The following FHOD3 variants were observed in gnomAD, a reference collection of about 807,000 sequenced individuals.
The protein encoded by FHOD3 is formin homology 2 domain containing 3.
In FHOD3, 90 loss-of-function variants were observed where a neutral mutation model predicts 173.0. The ratio of observed to expected loss-of-function variants is 0.52; its 90% CI spans 0.44 to 0.62. The LOEUF is 0.62. Ranked by LOEUF, FHOD3 falls within the 20% of genes least tolerant of loss-of-function variation. The pLI is 0.00. For missense variants in FHOD3, 1,945 were observed against 2,034.7 expected (o/e 0.96, Z 0.85); for synonymous variants, 828 against 823.0 (o/e 1.01, Z -0.10).
At chr18:36,377,215 C>G (rs2047486905) in intron 3 of FHOD3, among the ~76,000 whole-genome samples, 1 of 152,212 alleles carries the variant, frequency 6.6e-6, no homozygotes, top group South Asian at 2.1e-4. Flanking sequence ...CCAGGTTCTG[C>G]CCTTCTTCTT....
intron 5 of FHOD3, among the ~76,000 whole-genome samples, chr18:36,513,423 C>G (rs931628574): frequency 7.9e-5 from 12 of 152,176 alleles, no homozygotes; most frequent in African/African-American, 2.9e-4. Context: ...GCATGTCAGG[C>G]GGGTCAGGGT....
intron 3 of FHOD3, among the ~76,000 whole-genome samples, chr18:36,468,965 C>A (rs1011740825): frequency 6.6e-6 from 1 of 152,050 alleles, no homozygotes; most frequent in South Asian, 2.1e-4. Context: ...GGAGAGGAGT[C>A]GGACAGTTAA....
rs554564717 is a variant in FHOD3, at chr18:36,357,283, C to T, written c.272+1638C>T. On this transcript the variant is annotated intron_variant, in intron 2 of 28. Coordinates refer to ENST00000590592, the MANE Select transcript of FHOD3 (RefSeq NM_001281740.3). ...ATCATTGATTGTGCTGCTAGTTGCA[C>T]CTCTTCTCTGCGGCTAACACTTTAC... is the stretch of plus-strand genomic sequence containing the variant. Among the ~76,000 whole-genome samples the T allele has an allele frequency of 3.9e-5, 6 of 152,292 alleles. No individual in the cohort carries two copies. In the East Asian group the frequency reaches 5.8e-4, roughly 15 times the overall value.
At position 36,730,801 on chromosome 18, in the gene FHOD3, C is replaced by T. The variant is rs902976363; in HGVS notation, c.3573C>T (p.Ile1191=). Residue 1191 remains isoleucine (I), a synonymous_variant, in exon 20 of 29, where the codon ATC becomes ATT. Coordinates refer to ENST00000590592, the MANE Select transcript of FHOD3 (RefSeq NM_001281740.3). ...AGTATGCCTTAAACAAAGAAGGAAT[C>T]GAGGTGAGGGAAGCTCTATTAAGCA... ...FDEYALNKEG[I]EKILTMIPTD... 6.2e-6 allele frequency: 10 copies of T among 1,613,484 alleles called. No homozygotes were observed. Among genetic ancestry groups the T allele is most frequent in the Non-Finnish European group, 6.8e-6 (8 of 1,179,872 alleles).
chr18:36,712,788 A>C (rs967998698), intron 18 of FHOD3, among the ~76,000 whole-genome samples: 4 of 152,080 alleles, frequency 2.6e-5, no homozygotes, highest in African/African-American at 9.7e-5. Context: ...AAACAAGACA[A>C]ATTTAAAGAC....
intron 3 of FHOD3, among the ~76,000 whole-genome samples, chr18:36,475,027 ACACACACTCT>A (rs764679051): frequency 1.2e-5 from 1 of 83,692 alleles, no homozygotes; most frequent in Non-Finnish European, 2.5e-5. Context: ...ACACACACAC[ACACACACTCT>A]GCAAAATTTA....
chr18:36,653,751 A>T (rs2036224099), intron 13 of FHOD3, among the ~76,000 whole-genome samples: 1 of 152,216 alleles, frequency 6.6e-6, no homozygotes, highest in Non-Finnish European at 1.5e-5. Context: ...TTGAACAATC[A>T]GTCGTCCAAA....
At chr18:36,741,239 TA>T (rs2041887803) in intron 21 of FHOD3, among the ~76,000 whole-genome samples, 1 of 152,186 alleles carries the variant, frequency 6.6e-6, no homozygotes, top group Non-Finnish European at 1.5e-5. Flanking sequence ...CAGGTCTTTT[TA>T]TGTTGCCTAT....
intron 7 of FHOD3, among the ~76,000 whole-genome samples, chr18:36,598,202 C>T (rs750835966): frequency 2.0e-5 from 3 of 152,132 alleles, no homozygotes; most frequent in Non-Finnish European, 4.4e-5. Flanking sequence ...TAGACTCATT[C>T]CTCAGCAGGG....
rs915652665 is a variant in FHOD3 at position 36,345,359 on chromosome 18, T to C, written c.166-10180T>C. 2.0e-5 allele frequency among the ~76,000 whole-genome samples: 3 copies of C among 152,358 alleles called. No homozygotes were observed. The East Asian group carries it at 5.8e-4, about 29-fold the overall frequency. Reference sequence around the variant, plus strand: ...AGTGAAATTTAGAAATTATTTTGAATCGAACATAATGAAAATACATCACAT... The same window carrying C: ...AGTGAAATTTAGAAATTATTTTGAACCGAACATAATGAAAATACATCACAT... On this transcript the variant is annotated intron_variant, in intron 1 of 28. Transcript: ENST00000590592.
intron 5 of FHOD3, among the ~76,000 whole-genome samples, chr18:36,541,953 C>T (rs1282603089): frequency 6.6e-6 from 1 of 152,042 alleles, no homozygotes; most frequent in Admixed American, 6.6e-5. Flanking sequence ...TATACTAGCC[C>T]CAGGGAGAGG....
intron 9 of FHOD3, among the ~76,000 whole-genome samples, chr18:36,624,496 C>A (rs541133293): frequency 6.6e-6 from 1 of 152,080 alleles, no homozygotes; most frequent in Non-Finnish European, 1.5e-5. Flanking sequence ...TACGAAGAGT[C>A]ATCATGGATA....
intron 8 of FHOD3, among the ~76,000 whole-genome samples, chr18:36,604,136 G>A (rs1471282008): frequency 6.6e-6 from 1 of 152,148 alleles, no homozygotes; most frequent in Non-Finnish European, 1.5e-5. Context: ...CTCAGGTCTG[G>A]AGTTTCTCCA....
chr18:36,525,489 G>A (rs1224687182), intron 5 of FHOD3, among the ~76,000 whole-genome samples: 1 of 152,168 alleles, frequency 6.6e-6, no homozygotes, highest in Non-Finnish European at 1.5e-5. Context: ...CTGCACCATG[G>A]AAACTGTGAG....
intron 3 of FHOD3, among the ~76,000 whole-genome samples, chr18:36,482,858 C>CAGAGAGAGAG (rs138052316): frequency 1.3e-4 from 17 of 130,452 alleles, no homozygotes; most frequent in African/African-American, 5.0e-4. Flanking sequence ...CACACACACA[C>CAGAGAGAGAG]AGAGAGAGAG....
In FHOD3 at chr18:36,763,196, A is replaced by ATGTGT. The variant is rs2042975946; in HGVS notation, c.4624+2415_4624+2416insGTGTT. Among the ~76,000 whole-genome samples, 3 of 148,110 alleles carry ATGTGT rather than the reference A, an allele frequency of 2.0e-5. No homozygotes were observed. In the Admixed American group the frequency reaches 2.0e-4, roughly 10 times the overall value. On this transcript the variant is annotated intron_variant, in intron 27 of 28. Coordinates refer to ENST00000590592, the MANE Select transcript of FHOD3 (RefSeq NM_001281740.3). ...ATTATATACGCTATATATGTGTATT[A>ATGTGT]TATACGTTATATATGTGTACTATAC...
chr18:36,563,726 A>C (rs2147723927), intron 5 of FHOD3, among the ~76,000 whole-genome samples: 1 of 152,244 alleles, frequency 6.6e-6, no homozygotes, highest in East Asian at 1.9e-4. Flanking sequence ...CAGGGGAACT[A>C]TTCTGGTATC....
At chr18:36,579,054 G>A (rs1428227189) in intron 6 of FHOD3, among the ~76,000 whole-genome samples, 1 of 152,156 alleles carries the variant, frequency 6.6e-6, no homozygotes, top group Admixed American at 6.5e-5. Flanking sequence ...GGCTTTCTAG[G>A]TTGCATCAGC....
intron 24 of FHOD3, among the ~76,000 whole-genome samples, chr18:36,752,804 TA>T (rs1455279927): frequency 1.3e-5 from 2 of 152,190 alleles, no homozygotes; most frequent in African/African-American, 4.8e-5. Flanking sequence ...TACTTATGTA[TA>T]AAATAGGACC....
Sources: gnomAD v4.1 joint callset for allele counts (sites outside exome capture counted in the v4.1 genomes callset) on GRCh38, gnomAD v4.1.1 for gene constraint, MANE v1.5 for transcripts, NCBI Gene and HGNC (gene_info 2026-07-23, HGNC 2026-07-21) for gene names.